The following KCNJ6 variants were observed in gnomAD, a reference collection of about 807,000 sequenced individuals.
KCNJ6 encodes G protein-activated inward rectifier potassium channel 2.
KCNJ6 carries 9 observed loss-of-function variants against 34.2 expected under a neutral mutation model. The observed-to-expected ratio is 0.26, with a 90% CI of 0.16 to 0.46. The LOEUF (loss-of-function observed/expected upper bound fraction) is 0.46, where lower values mean the gene tolerates loss of function less well. KCNJ6 is among the 20% of genes least tolerant of loss of function. The pLI is 1.00. For missense variants in KCNJ6, 236 were observed against 531.3 expected, an observed-to-expected ratio of 0.44 and a Z score of 5.46; for synonymous variants, 196 against 207.1, an observed-to-expected ratio of 0.95 and a Z score of 0.46.
chr21:37,907,281 G>A (rs2055846326), intron 1 of KCNJ6, among the ~76,000 whole-genome samples: 1 of 152,182 alleles, frequency 6.6e-6, no homozygotes, highest in African/African-American at 2.4e-5. Context: ...TTCCAGACCT[G>A]CTCTCATAGA....
intron 3 of KCNJ6, among the ~76,000 whole-genome samples, chr21:37,650,973 A>T (rs943223454): frequency 3.3e-5 from 5 of 152,264 alleles, no homozygotes; most frequent in African/African-American, 1.2e-4. Context: ...TTACTCTGTG[A>T]GACAGTTACT....
intron 1 of KCNJ6, among the ~76,000 whole-genome samples, chr21:37,863,412 A>C (rs1362614235): frequency 1.3e-5 from 2 of 152,156 alleles, no homozygotes; most frequent in African/African-American, 4.8e-5. Flanking sequence ...ACTTTGATTT[A>C]TTGCAAATCT....
rs755938285 is a variant in KCNJ6, at chr21:37,625,432, A to T, written c.999T>A (p.Gly333=). The change falls in exon 4 of 4, where the codon GGT becomes GGA. Residue 333 remains glycine (G), a synonymous_variant. Transcript: ENST00000609713. ...GGGTCAGGACAGGTGTGAACCGGTA[A>T]CCCCACAGGATCTCACTGGTGATGT... ...SSYITSEILW[G]YRFTPVLTLE... 1 of 1,614,044 alleles carries T rather than the reference A, an allele frequency of 6.2e-7. No homozygotes were observed. The highest frequency in any genetic ancestry group is 8.5e-7 in the Non-Finnish European group (1 of 1,180,002).
chr21:37,653,848 G>C (rs774254878), intron 3 of KCNJ6, among the ~76,000 whole-genome samples: 3 of 152,182 alleles, frequency 2.0e-5, no homozygotes, highest in Non-Finnish European at 4.4e-5. Flanking sequence ...ACTTTCCACA[G>C]AAAGTTAGAG....
intron 2 of KCNJ6, among the ~76,000 whole-genome samples, chr21:37,815,814 A>G (rs2055344014): frequency 1.3e-5 from 2 of 152,224 alleles, no homozygotes; most frequent in Admixed American, 1.3e-4. Context: ...CCTTGGCTTT[A>G]GCCCCCATAT....
rs1392633355 is a variant in KCNJ6, at chr21:37,862,365, A to C, written c.-27-21656T>G. ...TCTATTTTAACTTTTCTGTTTTGTA[A>C]ATGTCACCTTTATACACACAGGCAT... On this transcript the variant is annotated intron_variant, in intron 1 of 3. Coordinates refer to ENST00000609713, the MANE Select transcript of KCNJ6 (RefSeq NM_002240.5). 2.0e-5 allele frequency among the ~76,000 whole-genome samples: 3 copies of C among 152,326 alleles called. No individual in the cohort carries two copies. In the East Asian group the frequency reaches 5.8e-4, roughly 29 times the overall value.
intron 1 of KCNJ6, among the ~76,000 whole-genome samples, chr21:37,885,953 T>C (rs2836035): frequency 0.099 from 15,093 of 152,228 alleles, 954 homozygotes; most frequent in East Asian, 0.26. Context: ...TTATAATTTA[T>C]TAACACATGG....
At chr21:37,637,534 A>C (rs1335142017) in intron 3 of KCNJ6, among the ~76,000 whole-genome samples, 1 of 152,218 alleles carries the variant, frequency 6.6e-6, no homozygotes, top group African/African-American at 2.4e-5. Flanking sequence ...TGCTGGGCTC[A>C]GTGTGTGCTC....
intron 2 of KCNJ6, among the ~76,000 whole-genome samples, chr21:37,818,713 C>T (rs979071252): frequency 1.3e-5 from 2 of 152,216 alleles, no homozygotes; most frequent in Non-Finnish European, 2.9e-5. Flanking sequence ...ACTGAGAAAA[C>T]AGAAGTGACT....
intron 1 of KCNJ6, among the ~76,000 whole-genome samples, chr21:37,889,118 A>C (rs1226823896): frequency 1.3e-5 from 2 of 152,166 alleles, no homozygotes. Context: ...GTGGCTTCAA[A>C]ATCAGATGTG....
chr21:37,878,317 A>AT (rs1170021152), intron 1 of KCNJ6, among the ~76,000 whole-genome samples: 1 of 151,918 alleles, frequency 6.6e-6, no homozygotes, highest in African/African-American at 2.4e-5. Context: ...GATAATAAGT[A>AT]TTTTTTATCA....
At chr21:37,789,606 GAGGATGAAAGGTTA>G (rs2123520477) in intron 2 of KCNJ6, among the ~76,000 whole-genome samples, 1 of 152,314 alleles carries the variant, frequency 6.6e-6, no homozygotes, top group East Asian at 1.9e-4. Flanking sequence ...TGACACACTT[GAGGATGAAAGGTTA>G]ACTTGTTAAG....
chr21:37,776,662 A>G (rs933422498), intron 2 of KCNJ6, among the ~76,000 whole-genome samples: 29 of 152,078 alleles, frequency 1.9e-4, no homozygotes, highest in African/African-American at 7.0e-4. Flanking sequence ...CATTGATTGC[A>G]TATGTTGAAT....
At chr21:37,806,919 T>C (rs1601480944) in intron 2 of KCNJ6, among the ~76,000 whole-genome samples, 1 of 152,378 alleles carries the variant, frequency 6.6e-6, no homozygotes. Flanking sequence ...TGTAAAGGCA[T>C]ATAACATTCT....
intron 2 of KCNJ6, among the ~76,000 whole-genome samples, chr21:37,733,770 A>G (rs538586566): frequency 1.3e-5 from 2 of 152,124 alleles, no homozygotes; most frequent in Non-Finnish European, 1.5e-5. Context: ...TGGGAGCGCA[A>G]TGTCTCCCTG....
chr21:37,757,831 C>T lies in KCNJ6; in HGVS notation c.26-42700G>A, dbSNP rs78778964. Among the ~76,000 whole-genome samples, 389 of 152,378 alleles carry T rather than the reference C, an allele frequency of 2.6e-3. 1 individual carries two copies. Among genetic ancestry groups the T allele is most frequent in the African/African-American group, 8.4e-3 (350 of 41,590 alleles). ...CCACACGCCTAGTCACTGGCTGGCT[C>T]GAGCCCAGGTTCTGACTTGAAATCC... is the stretch of plus-strand genomic sequence containing the variant. On this transcript the variant is annotated intron_variant, in intron 2 of 3. Transcript: ENST00000609713.
intron 1 of KCNJ6, among the ~76,000 whole-genome samples, chr21:37,851,192 G>A (rs980943776): frequency 6.6e-6 from 1 of 152,184 alleles, no homozygotes; most frequent in Non-Finnish European, 1.5e-5. Flanking sequence ...CAGGGAAGTG[G>A]TGTGGTTGCC....
At chr21:37,799,998 T>C (rs1361125752) in intron 2 of KCNJ6, among the ~76,000 whole-genome samples, 1 of 152,224 alleles carries the variant, frequency 6.6e-6, no homozygotes, top group Non-Finnish European at 1.5e-5. Flanking sequence ...TGTTAAACCT[T>C]GGACTCCTCA....
chr21:37,777,910 T>A (rs1011084026), intron 2 of KCNJ6, among the ~76,000 whole-genome samples: 22 of 152,290 alleles, frequency 1.4e-4, no homozygotes, highest in Non-Finnish European at 2.6e-4. Flanking sequence ...TTGACTGTGG[T>A]TCAGCACACC....
Sources: gnomAD v4.1 joint callset for allele counts (sites outside exome capture counted in the v4.1 genomes callset) on GRCh38, gnomAD v4.1.1 for gene constraint, MANE v1.5 for transcripts, NCBI Gene and HGNC (gene_info 2026-07-23, HGNC 2026-07-21) for gene names.